Variants in PDS5B observed in about 807,000 individuals in gnomAD.
The protein encoded by PDS5B is sister chromatid cohesion protein PDS5 homolog B.
In PDS5B, 51 loss-of-function variants were observed where a neutral mutation model predicts 184.1. The ratio of observed to expected loss-of-function variants is 0.28; its 90% CI spans 0.22 to 0.35. The LOEUF (loss-of-function observed/expected upper bound fraction) is 0.35, where lower values mean the gene tolerates loss of function less well. Ranked by LOEUF, PDS5B falls within the 10% of genes least tolerant of loss-of-function variation. The probability of loss-of-function intolerance (pLI) is 1.00; values close to 1 mark genes in which losing one functional copy is unlikely to be tolerated. For synonymous variants in PDS5B, 566 were observed against 569.2 expected, an observed-to-expected ratio of 0.99 and a Z score of 0.08; for missense variants, 1,180 against 1,723.3, an observed-to-expected ratio of 0.68 and a Z score of 5.58.
In PDS5B at chr13:32,659,203, T is replaced by A; in HGVS notation, c.547T>A (p.Ser183Thr). 6.2e-7 allele frequency: 1 copy of A among 1,602,712 alleles called. No individual in the cohort carries two copies. Among genetic ancestry groups the A allele is most frequent in the South Asian group, 1.1e-5 (1 of 89,044 alleles). The stretch of plus-strand genomic sequence containing the variant: ...TATGCACATGGTAGACCTTATGAGC[T>A]CTATTATTTGTGAAGGTGATACAGT... ...VHMHMVDLMS[S>T]IICEGDTVSQ... The change falls in exon 6 of 35, where the codon TCT becomes ACT. Residue 183 changes from serine to threonine, a missense_variant. This residue lies in a region of PDS5B where 79 missense variants were observed against 124.6 expected (regional missense o/e 0.63). Transcript: ENST00000315596.
intron 20 of PDS5B, among the ~76,000 whole-genome samples, chr13:32,732,826 C>A (rs182773718): frequency 1.9e-4 from 29 of 152,216 alleles, no homozygotes; most frequent in African/African-American, 7.0e-4. Flanking sequence ...GCAGAAAATT[C>A]ATAAAATCCT....
At chr13:32,659,128 G>T in intron 5 of PDS5B, 26 bp from the exon 6 acceptor site, 1 of 1,501,014 alleles carries the variant, frequency 6.7e-7, no homozygotes, top group South Asian at 1.4e-5. Context: ...AGTTGTAATT[G>T]AAACAAAATC....
Position 32,692,414 on chromosome 13 carries a change from C to CTTTTT in PDS5B, c.1470-1809_1470-1808insTTTTT, listed in dbSNP as rs1593440334. On this transcript the variant is annotated intron_variant, in intron 13 of 34. Transcript: ENST00000315596. The stretch of plus-strand genomic sequence containing the variant: ...ATTAAACAAGTTTGCGTCCAAAAAG[C>CTTTTT]CTTTTTTTTTTTTTTTTTTTTTTTT... 5.4e-3 allele frequency among the ~76,000 whole-genome samples: 370 copies of CTTTTT among 69,150 alleles called. 160 individuals are homozygous for CTTTTT. Among genetic ancestry groups the CTTTTT allele is most frequent in the African/African-American group, 7.5e-3 (149 of 19,838 alleles). 45.4% of individuals were successfully genotyped at this position (69,150 alleles called of 152,430 possible).
intron 19 of PDS5B, among the ~76,000 whole-genome samples, chr13:32,716,317 C>T (rs1255568399): frequency 2.0e-5 from 3 of 152,036 alleles, no homozygotes; most frequent in Non-Finnish European, 4.4e-5. Context: ...CCTGCCGCCC[C>T]ATCTGGGATG....
At chr13:32,642,712 T>C (rs897651638) in intron 1 of PDS5B, among the ~76,000 whole-genome samples, 1 of 151,890 alleles carries the variant, frequency 6.6e-6, no homozygotes, top group African/African-American at 2.4e-5. Flanking sequence ...TTTCCTTCAG[T>C]CATACTTCTG....
intron 1 of PDS5B, among the ~76,000 whole-genome samples, chr13:32,597,035 CTTT>C (rs1566232707): frequency 6.6e-6 from 1 of 151,576 alleles, no homozygotes; most frequent in Non-Finnish European, 1.5e-5. Context: ...GCTTTGAGTT[CTTT>C]TTATTTTTTA....
intron 24 of PDS5B, among the ~76,000 whole-genome samples, chr13:32,749,613 T>C (rs1232237725): frequency 2.0e-5 from 3 of 152,188 alleles, no homozygotes; most frequent in Non-Finnish European, 1.5e-5. Flanking sequence ...GAGTAAGTCA[T>C]GGTTATAGCC....
chr13:32,675,726 A>C, intron 8 of PDS5B, 118 bp from the exon 9 acceptor site: 1 of 563,288 alleles, frequency 1.8e-6, no homozygotes, highest in Non-Finnish European at 3.2e-6. Flanking sequence ...TTTCATTTAG[A>C]GTTCATGAAA....
rs761365360 is a variant in PDS5B, at chr13:32,760,602, G to A, written c.3400G>A (p.Val1134Ile). ...KPKTTNVLGAVNKPLSSAGKQ... is the reference protein window; with the variant it reads ...KPKTTNVLGAINKPLSSAGKQ... ...TAAAACAACCAATGTTCTAGGAGCT[G>A]TTAACAAGCCACTTTCATCAGCAGG... Residue 1134 changes from valine to isoleucine, a missense_variant, in exon 30 of 35, where the codon GTT (valine) becomes ATT (isoleucine). Physicochemically the swap from Val to Ile is conservative, Grantham distance 29. Transcript: ENST00000315596. 1 of 1,613,890 alleles carries A rather than the reference G, an allele frequency of 6.2e-7. No individual in the cohort carries two copies. The highest frequency in any genetic ancestry group is 1.3e-5 in the African/African-American group (1 of 74,924).
chr13:32,621,905 T>G (rs752495688), intron 1 of PDS5B, among the ~76,000 whole-genome samples: 5 of 152,250 alleles, frequency 3.3e-5, no homozygotes, highest in Non-Finnish European at 7.3e-5. Context: ...TCTGGTCTTT[T>G]AAGAAAAAGT....
chr13:32,681,114 C>T (rs371357962), intron 10 of PDS5B, among the ~76,000 whole-genome samples: 2 of 152,176 alleles, frequency 1.3e-5, no homozygotes, highest in East Asian at 1.9e-4. Flanking sequence ...GGCTTCCCAT[C>T]TCCTGTTTCC....
At chr13:32,662,789 A>G (rs562801877) in intron 6 of PDS5B, among the ~76,000 whole-genome samples, 4 of 152,170 alleles carry the variant, frequency 2.6e-5, no homozygotes, top group African/African-American at 9.6e-5. Flanking sequence ...AAACACAGTG[A>G]CATTCCATCA....
intron 1 of PDS5B, among the ~76,000 whole-genome samples, chr13:32,597,200 AT>A (rs745671900): frequency 3.7e-3 from 502 of 136,842 alleles, no homozygotes; most frequent in Non-Finnish European, 3.8e-3. Context: ...TGGCTGGCTC[AT>A]TTTTTTTTTT....
chr13:32,635,183 T>G (rs2058524798), intron 1 of PDS5B, among the ~76,000 whole-genome samples: 1 of 10,316 alleles, frequency 9.7e-5, no homozygotes, highest in Non-Finnish European at 2.0e-4. Context: ...TTTTTTTTTT[T>G]TTTTTTTTTT....
At chr13:32,701,652 G>A (rs900798427) in intron 17 of PDS5B, among the ~76,000 whole-genome samples, 3 of 151,680 alleles carry the variant, frequency 2.0e-5, no homozygotes, top group Non-Finnish European at 4.4e-5. Context: ...ATCTGTACCT[G>A]TATATTTGTT....
intron 31 of PDS5B, among the ~76,000 whole-genome samples, chr13:32,769,040 G>A (rs1278900147): frequency 6.7e-6 from 1 of 150,104 alleles, no homozygotes; most frequent in African/African-American, 2.5e-5. Flanking sequence ...GGAGAATGGC[G>A]TGAACCTGGG....
intron 19 of PDS5B, among the ~76,000 whole-genome samples, chr13:32,712,567 A>G (rs1263948900): frequency 1.3e-5 from 2 of 152,214 alleles, no homozygotes; most frequent in Non-Finnish European, 2.9e-5. Flanking sequence ...AATGTATTTA[A>G]GTAAAGCTAC....
chr13:32,669,005 C>T (rs900435245), intron 7 of PDS5B, among the ~76,000 whole-genome samples: 8 of 152,280 alleles, frequency 5.3e-5, no homozygotes, highest in Admixed American at 2.6e-4. Context: ...TGTAATCTAT[C>T]TTAATTGCTC....
intron 20 of PDS5B, among the ~76,000 whole-genome samples, chr13:32,734,013 C>CACACACACACACACACACACAA (rs1430095241): frequency 2.6e-5 from 4 of 151,226 alleles, no homozygotes; most frequent in African/African-American, 9.7e-5. Flanking sequence ...CACACACACA[C>CACACACACACACACACACACAA]AAACATATAT....
Sources: allele counts gnomAD v4.1 joint callset (sites outside exome capture counted in the v4.1 genomes callset), GRCh38; gene constraint gnomAD v4.1.1; regional missense constraint gnomAD v4.1.1; transcripts MANE v1.5; gene names NCBI Gene and HGNC (gene_info 2026-07-23, HGNC 2026-07-21).